ATP8A2: variants seen among roughly 807,000 people sequenced by gnomAD.
The protein encoded by ATP8A2 is ATPase phospholipid transporting 8A2.
ATP8A2 carries 100 observed loss-of-function variants against 165.6 expected under a neutral mutation model. The observed-to-expected ratio is 0.60, with a 90% CI of 0.51 to 0.71. The LOEUF (loss-of-function observed/expected upper bound fraction) is 0.71. Among genes scored for constraint, ATP8A2 ranks in the 30% least tolerant of loss-of-function variants. The probability of loss-of-function intolerance (pLI) is 0.00; values close to 1 mark genes in which losing one functional copy is unlikely to be tolerated. For missense variants in ATP8A2, 1,227 were observed against 1,479.5 expected, an observed-to-expected ratio of 0.83 and a Z score of 2.80; for synonymous variants, 543 against 548.8, an observed-to-expected ratio of 0.99 and a Z score of 0.15.
chr13:25,853,402 T>A (rs879783362), intron 30 of ATP8A2, among the ~76,000 whole-genome samples: 16,759 of 125,462 alleles, frequency 0.13, 1,425 homozygotes, highest in Non-Finnish European at 0.19. Flanking sequence ...AAAAAATATA[T>A]ATATATATGT....
Position 25,372,201 on chromosome 13 carries a change from G to A in ATP8A2, c.-12G>A. 2.8e-6 allele frequency: 4 copies of A among 1,429,082 alleles called. No individual in the cohort carries two copies. The highest frequency in any genetic ancestry group is 1.4e-5 in the South Asian group (1 of 70,678). The allele number at this position is 1,429,082 out of a possible 1,614,324, so 88.5% of individuals were successfully genotyped here. On this transcript the variant is annotated 5_prime_UTR_variant, in exon 1 of 37. Transcript: ENST00000381655. This position sits in a 1 kb window ranked among gnomAD's most constrained non-coding sequence, Gnocchi z 4.8. ...TCTCGCCCGGGGCCGCCGAGCCCCCGACACGGGCGAGATGCTGAACGGCGC... is the reference window on the plus strand; with the variant it reads ...TCTCGCCCGGGGCCGCCGAGCCCCCAACACGGGCGAGATGCTGAACGGCGC...
intron 24 of ATP8A2, among the ~76,000 whole-genome samples, chr13:25,612,265 C>T (rs1372249618): frequency 6.6e-6 from 1 of 152,058 alleles, no homozygotes; most frequent in African/African-American, 2.4e-5. Context: ...TTGATGTAGG[C>T]ATTTAATGCT....
At chr13:25,945,796 G>T (rs1955195128) in intron 33 of ATP8A2, among the ~76,000 whole-genome samples, 1 of 152,302 alleles carries the variant, frequency 6.6e-6, no homozygotes, top group East Asian at 1.9e-4. Context: ...CGGCCAGCTG[G>T]CAGGGGCTCA....
chr13:25,918,272 C>T (rs1187214692), intron 33 of ATP8A2, among the ~76,000 whole-genome samples: 1 of 152,128 alleles, frequency 6.6e-6, no homozygotes, highest in Non-Finnish European at 1.5e-5. Flanking sequence ...GGAGCTTTTC[C>T]TGGGAAGAGC....
At chr13:25,465,804 G>T (rs1388542665) in intron 1 of ATP8A2, among the ~76,000 whole-genome samples, 1 of 48,730 alleles carries the variant, frequency 2.1e-5, no homozygotes, top group African/African-American at 5.3e-5. Flanking sequence ...TTTCTTTTTT[G>T]GTAGAGATGA....
rs183884557 is a variant in ATP8A2 at position 25,552,792 on chromosome 13, T to C, written c.1058-1001T>C. On this transcript the variant is annotated intron_variant, in intron 11 of 36. Coordinates refer to ENST00000381655, the MANE Select transcript of ATP8A2 (RefSeq NM_016529.6). ...GAAAAGTGGAAGGGTTGGTAGTGAG[T>C]AGGAAGTGAAGGGATTGTGGAAAGG... Among the ~76,000 whole-genome samples the C allele has an allele frequency of 1.3e-4, 19 of 151,966 alleles. 1 individual carries two copies. The highest frequency in any genetic ancestry group is 3.4e-3 in the Middle Eastern group (1 of 294).
At chr13:25,504,352 T>C (rs2036953998) in intron 2 of ATP8A2, among the ~76,000 whole-genome samples, 1 of 152,132 alleles carries the variant, frequency 6.6e-6, no homozygotes, top group Non-Finnish European at 1.5e-5. Flanking sequence ...ATCTATTTCG[T>C]ATGTTTTTTT....
rs71080217 is a variant in ATP8A2, at chr13:26,025,116, C to CAAAAAAAAAAAA, written c.*5141_*5152dup. On this transcript the variant is annotated 3_prime_UTR_variant, in exon 37 of 37. Transcript: ENST00000381655. ...GTGAATCAATAAACACCAACAACAA[C>CAAAAAAAAAAAA]AAAAAAAAAAAAAAAAAAAAAGGAA... The CAAAAAAAAAAAA allele has an allele frequency of 3.9e-4, 37 of 94,644 alleles. No homozygotes were observed. The highest frequency in any genetic ancestry group is 9.8e-4 in the African/African-American group (24 of 24,476). 5.9% of individuals were successfully genotyped at this position (94,644 alleles called of 1,614,324 possible).
intron 1 of ATP8A2, among the ~76,000 whole-genome samples, chr13:25,435,859 A>T (rs1283711631): frequency 1.3e-5 from 2 of 152,058 alleles, no homozygotes; most frequent in Non-Finnish European, 2.9e-5. Flanking sequence ...TTTATTTTAA[A>T]CTGTAGACTA....
At chr13:25,646,516 T>A (rs969090765) in intron 24 of ATP8A2, among the ~76,000 whole-genome samples, 10 of 151,386 alleles carry the variant, frequency 6.6e-5, no homozygotes, top group African/African-American at 2.2e-4. Flanking sequence ...ATTAGCCAGG[T>A]GTGGTGGTGG....
intron 10 of ATP8A2, among the ~76,000 whole-genome samples, chr13:25,547,468 G>T (rs2038687885): frequency 1.3e-5 from 2 of 152,138 alleles, no homozygotes; most frequent in African/African-American, 4.8e-5. Context: ...TTCCTTATGA[G>T]AATCTAATGC....
chr13:25,857,351 A>C (rs1227754225), intron 30 of ATP8A2, among the ~76,000 whole-genome samples: 1 of 151,986 alleles, frequency 6.6e-6, no homozygotes, highest in African/African-American at 2.4e-5. Context: ...CCATGCTATT[A>C]CTCTACCTTA....
intron 24 of ATP8A2, among the ~76,000 whole-genome samples, chr13:25,630,070 C>A (rs77076529): frequency 0.018 from 2,197 of 119,622 alleles, 46 homozygotes; most frequent in African/African-American, 0.068. Flanking sequence ...GTTTAAGACA[C>A]CTTTTTGTCC....
At chr13:25,457,627 C>T (rs2035398886) in intron 1 of ATP8A2, among the ~76,000 whole-genome samples, 1 of 152,192 alleles carries the variant, frequency 6.6e-6, no homozygotes, top group Non-Finnish European at 1.5e-5. Flanking sequence ...GTGCTTTTTA[C>T]CACACTCATC....
At chr13:25,582,574 A>G (rs2039805388) in intron 23 of ATP8A2, among the ~76,000 whole-genome samples, 1 of 152,256 alleles carries the variant, frequency 6.6e-6, no homozygotes, top group African/African-American at 2.4e-5. Context: ...GATCAGCATT[A>G]TGGTGTAACA....
intron 33 of ATP8A2, among the ~76,000 whole-genome samples, chr13:25,938,778 T>C (rs923267863): frequency 2.6e-5 from 4 of 151,946 alleles, no homozygotes; most frequent in African/African-American, 9.7e-5. Context: ...GTGTCGTGGG[T>C]AGATGGAAGG....
intron 30 of ATP8A2, among the ~76,000 whole-genome samples, chr13:25,853,407 ATATG>A (rs71802205): frequency 0.31 from 42,227 of 136,320 alleles, 7,226 homozygotes; most frequent in Non-Finnish European, 0.4. Context: ...ATATATATAT[ATATG>A]TATATATATA....
Position 25,408,080 on chromosome 13 carries a change from A to ATATAT in ATP8A2, c.76+35792_76+35793insTATAT, listed in dbSNP as rs35215022. Among the ~76,000 whole-genome samples, 9 of 151,448 alleles carry ATATAT rather than the reference A, an allele frequency of 5.9e-5. No homozygotes were observed. The East Asian group carries it at 1.8e-3, about 29-fold the overall frequency. On this transcript the variant is annotated intron_variant, in intron 1 of 36. Transcript: ENST00000381655. ...TGTATCCTGGAACTTAAAGTAAAAA[A>ATATAT]ATATATATATATTTGACATTAAAAA...
intron 24 of ATP8A2, among the ~76,000 whole-genome samples, chr13:25,680,810 C>T (rs2042470730): frequency 6.6e-6 from 1 of 152,172 alleles, no homozygotes; most frequent in South Asian, 2.1e-4. Context: ...CTCAGCGGCC[C>T]AGGCTTGTCA....
Sources: gnomAD v4.1 joint callset for allele counts (sites outside exome capture counted in the v4.1 genomes callset) on GRCh38, gnomAD v4.1.1 for gene constraint, Gnocchi (gnomAD v3.1) non-coding constraint, MANE v1.5 for transcripts, NCBI Gene and HGNC (gene_info 2026-07-23, HGNC 2026-07-21) for gene names.